The following TMEM163 variants were observed in gnomAD, a reference collection of about 807,000 sequenced individuals.
The protein encoded by TMEM163 is transmembrane protein 163.
In TMEM163, 17 loss-of-function variants were observed where a neutral mutation model predicts 29.3. The ratio of observed to expected loss-of-function variants is 0.58; its 90% CI spans 0.40 to 0.87. The LOEUF (loss-of-function observed/expected upper bound fraction) is 0.87, where lower values mean the gene tolerates loss of function less well. Among genes scored for constraint, TMEM163 ranks in the 40% least tolerant of loss-of-function variants. The probability of loss-of-function intolerance (pLI) is 0.00; values close to 1 mark genes in which losing one functional copy is unlikely to be tolerated. For synonymous variants in TMEM163, 157 were observed against 160.6 expected (o/e 0.98, Z 0.17); for missense variants, 303 against 381.5 (o/e 0.79, Z 1.71).
intron 4 of TMEM163, 141 bp downstream of exon 4, chr2:134,550,429 T>C: frequency 1.5e-6 from 1 of 686,416 alleles, no homozygotes. Flanking sequence ...GGCATTGCAC[T>C]AGTCACTCTC....
At chr2:134,508,966 CA>C (rs1679886838) in intron 4 of TMEM163, among the ~76,000 whole-genome samples, 1 of 152,212 alleles carries the variant, frequency 6.6e-6, no homozygotes, top group Non-Finnish European at 1.5e-5. Flanking sequence ...TCTCCTTCCT[CA>C]ACAAATGACC....
At chr2:134,628,528 T>C (rs573769314) in intron 2 of TMEM163, among the ~76,000 whole-genome samples, 2 of 152,154 alleles carry the variant, frequency 1.3e-5, no homozygotes, top group South Asian at 4.1e-4. Context: ...GGGACTGGAG[T>C]GTGATTAGCT....
intron 4 of TMEM163, among the ~76,000 whole-genome samples, chr2:134,545,394 C>G (rs1190932993): frequency 6.6e-6 from 1 of 152,204 alleles, no homozygotes; most frequent in East Asian, 1.9e-4. Context: ...TCTGAGGAAG[C>G]TGCTTTCCCT....
intron 2 of TMEM163, among the ~76,000 whole-genome samples, chr2:134,566,168 A>G (rs1681296579): frequency 2.6e-5 from 4 of 152,276 alleles, no homozygotes; most frequent in Admixed American, 2.6e-4. Context: ...AGAAAGCAAC[A>G]TGAACATGCA....
intron 2 of TMEM163, among the ~76,000 whole-genome samples, chr2:134,581,844 C>T (rs1484626761): frequency 6.6e-6 from 1 of 152,134 alleles, no homozygotes; most frequent in Non-Finnish European, 1.5e-5. Flanking sequence ...AGGCAACTAC[C>T]CTTCCATCTC....
intron 2 of TMEM163, among the ~76,000 whole-genome samples, chr2:134,561,513 AT>A (rs568866915): frequency 2.0e-5 from 3 of 149,910 alleles, no homozygotes; most frequent in Non-Finnish European, 4.5e-5. Context: ...CGCCCGGCTA[AT>A]TTTTTTTGTA....
At chr2:134,606,894 T>C in intron 2 of TMEM163, among the ~76,000 whole-genome samples, 1 of 152,130 alleles carries the variant, frequency 6.6e-6, no homozygotes. Flanking sequence ...CAGGCTCGGG[T>C]GTGGCGCAGC....
intron 4 of TMEM163, among the ~76,000 whole-genome samples, chr2:134,539,135 C>T (rs986344247): frequency 2.0e-5 from 3 of 152,110 alleles, no homozygotes; most frequent in Admixed American, 1.3e-4. Context: ...TTTCTTATAA[C>T]GATCTTACAA....
At chr2:134,716,022 C>T (rs1685030783) in intron 1 of TMEM163, among the ~76,000 whole-genome samples, 1 of 152,178 alleles carries the variant, frequency 6.6e-6, no homozygotes, top group Non-Finnish European at 1.5e-5. Flanking sequence ...TATTTCTACA[C>T]TAGTATGCAT....
intron 4 of TMEM163, among the ~76,000 whole-genome samples, chr2:134,515,898 T>A (rs893479856): frequency 6.6e-6 from 1 of 152,196 alleles, no homozygotes; most frequent in African/African-American, 2.4e-5. Context: ...TCCAGCTACA[T>A]CACTTCTAAC....
chr2:134,473,541 A>G (rs1686850559), intron 5 of TMEM163, among the ~76,000 whole-genome samples: 1 of 151,960 alleles, frequency 6.6e-6, no homozygotes, highest in African/African-American at 2.4e-5. Flanking sequence ...GTCTCAAAAA[A>G]AAAAAAAAGA....
chr2:134,586,409 C>T (rs79257079), intron 2 of TMEM163, among the ~76,000 whole-genome samples: 2,393 of 152,332 alleles, frequency 0.016, 55 homozygotes, highest in African/African-American at 0.054. Context: ...TTTGGCATTC[C>T]TTGGCTTCTG....
At chr2:134,552,138 AT>A in intron 2 of TMEM163, 47 bp from the exon 3 acceptor site, 1 of 1,483,226 alleles carries the variant, frequency 6.7e-7, no homozygotes, top group Non-Finnish European at 9.3e-7. Flanking sequence ...AACCTCTCTC[AT>A]TTTTGAGTAT....
chr2:134,642,012 C>T lies in TMEM163; in HGVS notation c.322+71188G>A, dbSNP rs998959247. On this transcript the variant is annotated intron_variant, in intron 2 of 7. Transcript: ENST00000281924. Reference sequence around the variant, plus strand: ...GAGACATTACATAACGGTGAAGGGTCGATTCATCAAGAAAACACAACATAC... The same window carrying T: ...GAGACATTACATAACGGTGAAGGGTTGATTCATCAAGAAAACACAACATAC... 2.6e-5 allele frequency among the ~76,000 whole-genome samples: 4 copies of T among 151,876 alleles called. No homozygotes were observed. In the South Asian group the frequency reaches 6.2e-4, roughly 24 times the overall value.
intron 5 of TMEM163, among the ~76,000 whole-genome samples, chr2:134,502,577 A>G (rs1679721145): frequency 6.6e-6 from 1 of 152,220 alleles, no homozygotes; most frequent in South Asian, 2.1e-4. Flanking sequence ...AGATGCAAAC[A>G]ACACAGATTG....
chr2:134,625,369 G>A (rs1363623719), intron 2 of TMEM163, among the ~76,000 whole-genome samples: 3 of 151,114 alleles, frequency 2.0e-5, no homozygotes. Context: ...CACCTAGTCA[G>A]CCACTGGCCT....
At chr2:134,633,966 CATATATATATATATATATATATAT>C (rs535811215) in intron 2 of TMEM163, among the ~76,000 whole-genome samples, 1,560 of 37,830 alleles carry the variant, frequency 0.041, 69 homozygotes, top group African/African-American at 0.072. Flanking sequence ...AAAAAAAATA[CATATATATATATATATATATATAT>C]ATATATATAT....
At chr2:134,576,980 T>C (rs1681569693) in intron 2 of TMEM163, among the ~76,000 whole-genome samples, 1 of 152,168 alleles carries the variant, frequency 6.6e-6, no homozygotes, top group South Asian at 2.1e-4. Context: ...TCCCAACTAT[T>C]GTCTGCCATG....
chr2:134,566,572 AT>A (rs1323185556), intron 2 of TMEM163, among the ~76,000 whole-genome samples: 2 of 151,806 alleles, frequency 1.3e-5, no homozygotes, highest in African/African-American at 2.4e-5. Context: ...CAAAAAAAAA[AT>A]TTTTTTTGCA....
Sources: gnomAD v4.1 joint callset for allele counts (sites outside exome capture counted in the v4.1 genomes callset) on GRCh38, gnomAD v4.1.1 for gene constraint, MANE v1.5 for transcripts, NCBI Gene and HGNC (gene_info 2026-07-23, HGNC 2026-07-21) for gene names.